Variants in ANKMY2 observed in about 807,000 individuals in gnomAD.
ANKMY2 encodes the protein ankyrin repeat and MYND domain containing 2.
A neutral mutation model predicts 50.4 loss-of-function variants in ANKMY2; 36 were observed. The observed-to-expected ratio is 0.71, with a 90% confidence interval of 0.55 to 0.94. The LOEUF (loss-of-function observed/expected upper bound fraction) is 0.94. ANKMY2 is among the 40% of genes least tolerant of loss of function. The pLI, the probability that ANKMY2 is intolerant of heterozygous loss-of-function variation, is 0.00. For missense variants in ANKMY2, 565 were observed against 524.0 expected (o/e 1.08, Z -0.76); for synonymous variants, 187 against 178.8 (o/e 1.05, Z -0.36).
At chr7:16,615,698 G>A in intron 5 of ANKMY2, 46 bp downstream of exon 5, 5 of 1,611,428 alleles carry the variant, frequency 3.1e-6, no homozygotes, top group Non-Finnish European at 4.2e-6. Flanking sequence ...TTTAAACTCT[G>A]AAGCAATATT....
At chr7:16,600,993 A>T in intron 9 of ANKMY2, 48 bp from the exon 10 acceptor site, 1 of 1,440,296 alleles carries the variant, frequency 6.9e-7, no homozygotes. Context: ...TGTGTCAGAC[A>T]CTCTTCTCAA....
At chr7:16,618,160 A>G (rs920387253) in intron 4 of ANKMY2, among the ~76,000 whole-genome samples, 1 of 152,066 alleles carries the variant, frequency 6.6e-6, no homozygotes. Context: ...TCCTGACCTC[A>G]GGTGATCTGC....
chr7:16,633,417 T>G (rs1415241669), intron 2 of ANKMY2, among the ~76,000 whole-genome samples: 1 of 152,124 alleles, frequency 6.6e-6, no homozygotes, highest in Non-Finnish European at 1.5e-5. Context: ...AGTGCAATGA[T>G]AAACACTACA....
Position 16,604,789 on chromosome 7 carries a change from C to T in ANKMY2, c.943G>A (p.Val315Met). Reference protein sequence around the residue: ...TQAITGQVGFVDVEFCTTCGE... With the variant: ...TQAITGQVGFMDVEFCTTCGE... The stretch of plus-strand genomic sequence containing the variant: ...CAGGTAGTGCAAAATTCCACATCCA[C>T]AAAACCCACCTGGCCAGTGATGGCT... The change falls in exon 8 of 10, where the codon GTG becomes ATG. Residue 315 changes from valine to methionine, a missense_variant. Coordinates refer to ENST00000306999, the MANE Select transcript of ANKMY2 (RefSeq NM_020319.3). The T allele has an allele frequency of 6.2e-7, 1 of 1,614,096 alleles. No homozygotes were observed. The highest frequency in any genetic ancestry group is 8.5e-7 in the Non-Finnish European group (1 of 1,179,954).
intron 2 of ANKMY2, among the ~76,000 whole-genome samples, chr7:16,632,165 T>C (rs1781596816): frequency 6.6e-6 from 1 of 151,724 alleles, no homozygotes; most frequent in Non-Finnish European, 1.5e-5. Context: ...TGTTGTTTTC[T>C]TGCTTGTACT....
chr7:16,630,955 T>C (rs1781573945), intron 2 of ANKMY2, among the ~76,000 whole-genome samples: 3 of 152,196 alleles, frequency 2.0e-5, no homozygotes, highest in Non-Finnish European at 2.9e-5. Flanking sequence ...AGAGGCCAAG[T>C]CTGTCTGCAG....
intron 2 of ANKMY2, among the ~76,000 whole-genome samples, chr7:16,631,654 A>G (rs1781587171): frequency 6.7e-6 from 1 of 149,570 alleles, no homozygotes; most frequent in East Asian, 2.0e-4. Context: ...TCACTCTGTC[A>G]CTCAGGCTAG....
At chr7:16,614,314 T>C (rs1781306109) in intron 5 of ANKMY2, among the ~76,000 whole-genome samples, 1 of 152,208 alleles carries the variant, frequency 6.6e-6, no homozygotes, top group Admixed American at 6.5e-5. Context: ...ACTAGAAACA[T>C]GAGTATGCAG....
chr7:16,621,972 AAAATAAATAAAT>A (rs545011448), intron 4 of ANKMY2, among the ~76,000 whole-genome samples: 1 of 151,722 alleles, frequency 6.6e-6, no homozygotes, highest in African/African-American at 2.4e-5. Flanking sequence ...CCATCTCAAA[AAAATAAATAAAT>A]AAATAAATAA....
chr7:16,622,094 A>AAAG (rs200611799), intron 4 of ANKMY2, among the ~76,000 whole-genome samples: 4 of 150,346 alleles, frequency 2.7e-5, no homozygotes, highest in Non-Finnish European at 4.4e-5. Context: ...AGAGGAATAA[A>AAAG]AAGAAGAAGA....
At chr7:16,628,551 C>G (rs923529844) in intron 2 of ANKMY2, among the ~76,000 whole-genome samples, 1 of 152,016 alleles carries the variant, frequency 6.6e-6, no homozygotes, top group East Asian at 1.9e-4. Context: ...CATTGCCGTG[C>G]TTCAAGGGAG....
chr7:16,609,039 A>G (rs1781204326), intron 7 of ANKMY2, among the ~76,000 whole-genome samples: 1 of 152,188 alleles, frequency 6.6e-6, no homozygotes, highest in South Asian at 2.1e-4. Flanking sequence ...TATATGACAA[A>G]TGAATAGTAA....
intron 5 of ANKMY2, 41 bp from the exon 6 acceptor site, chr7:16,610,804 C>G (rs1298981348): frequency 1.3e-6 from 2 of 1,546,994 alleles, no homozygotes; most frequent in Middle Eastern, 1.7e-4. Flanking sequence ...AAAGGAGACA[C>G]TTGTTCATGT....
At chr7:16,626,825 T>C (rs1467933373) in intron 3 of ANKMY2, among the ~76,000 whole-genome samples, 1 of 152,180 alleles carries the variant, frequency 6.6e-6, no homozygotes, top group Non-Finnish European at 1.5e-5. Flanking sequence ...ACATAAAGAA[T>C]CAATTGATCT....
chr7:16,622,597 A>G (rs1427137000), intron 4 of ANKMY2, among the ~76,000 whole-genome samples: 2 of 151,842 alleles, frequency 1.3e-5, no homozygotes, highest in Non-Finnish European at 2.9e-5. Context: ...AAAATTAGCT[A>G]GGCGTGGTGG....
At chr7:16,614,534 G>T (rs981891485) in intron 5 of ANKMY2, among the ~76,000 whole-genome samples, 4 of 152,178 alleles carry the variant, frequency 2.6e-5, no homozygotes, top group Non-Finnish European at 5.9e-5. Flanking sequence ...AATTTGGTTT[G>T]TTTCTCAACC....
chr7:16,602,336 C>G (rs1315605808), intron 9 of ANKMY2, 44 bp downstream of exon 9: 1 of 1,596,396 alleles, frequency 6.3e-7, no homozygotes. Flanking sequence ...TATCATCTCT[C>G]TCTCCACTAA....
At chr7:16,606,356 G>C (rs1781161515) in intron 7 of ANKMY2, among the ~76,000 whole-genome samples, 1 of 151,836 alleles carries the variant, frequency 6.6e-6, no homozygotes, top group Non-Finnish European at 1.5e-5. Flanking sequence ...CTGAGTCCGG[G>C]AGGCAGAGGT....
intron 7 of ANKMY2, among the ~76,000 whole-genome samples, chr7:16,605,691 T>G (rs1295084630): frequency 7.0e-6 from 1 of 142,130 alleles, no homozygotes; most frequent in Non-Finnish European, 1.5e-5. Flanking sequence ...TTTTTTTTTT[T>G]TTTTTTTTTG....
Sources: gnomAD v4.1 joint callset for allele counts (sites outside exome capture counted in the v4.1 genomes callset) on GRCh38, gnomAD v4.1.1 for gene constraint, MANE v1.5 for transcripts, NCBI Gene and HGNC (gene_info 2026-07-23, HGNC 2026-07-21) for gene names.